The following PRDM15 variants were observed in gnomAD, a reference collection of about 807,000 sequenced individuals.
PRDM15 encodes the protein PR/SET domain 15.
A neutral mutation model predicts 128.6 loss-of-function variants in PRDM15; 64 were observed. The ratio of observed to expected loss-of-function variants is 0.50; its 90% CI spans 0.41 to 0.61. The LOEUF (loss-of-function observed/expected upper bound fraction) is 0.61, where lower values mean the gene tolerates loss of function less well. Among genes scored for constraint, PRDM15 ranks in the 20% least tolerant of loss-of-function variants. PRDM15 has a pLI of 0.00. For synonymous variants in PRDM15, 615 were observed against 621.8 expected (o/e 0.99, Z 0.16); for missense variants, 1,242 against 1,569.1 (o/e 0.79, Z 3.52).
Position 41,822,262 on chromosome 21 carries a change from G to A in PRDM15, c.1762-225C>T, listed in dbSNP as rs73903595. Among the ~76,000 whole-genome samples the A allele has an allele frequency of 2.9e-3, 443 of 152,332 alleles. 4 individuals are homozygous for A. Among genetic ancestry groups the A allele is most frequent in the African/African-American group, 0.01 (428 of 41,574 alleles). On this transcript the variant is annotated intron_variant, in intron 14 of 23. Coordinates refer to ENST00000398548, the MANE Select transcript of PRDM15 (RefSeq NM_001040424.3). ...TGCCCTTGCTCTCCACGCCGCCCGC[G>A]GCTTCCTCTCACATGCGCCCAGCAA... is the stretch of plus-strand genomic sequence containing the variant.
At chr21:41,837,800 C>T in intron 8 of PRDM15, 134 bp downstream of exon 8, 5 of 770,872 alleles carry the variant, frequency 6.5e-6, no homozygotes, top group Non-Finnish European at 1.1e-5. Flanking sequence ...ATTCCTGCTG[C>T]CTCCTCAGCA....
chr21:41,865,705 C>T (rs1394067960), intron 1 of PRDM15, among the ~76,000 whole-genome samples: 2 of 152,210 alleles, frequency 1.3e-5, no homozygotes, highest in East Asian at 3.9e-4. Context: ...CTCAGTTTCA[C>T]ATAATGTCAT....
chr21:41,836,723 GGCCTCCTTCCAAAA>G, intron 8 of PRDM15, 74 bp from the exon 9 acceptor site: 1 of 1,340,000 alleles, frequency 7.5e-7, no homozygotes, highest in South Asian at 1.4e-5. Flanking sequence ...GCATGAAAAC[GGCCTCCTTCCAAAA>G]CTTCCCAGCT....
intron 1 of PRDM15, among the ~76,000 whole-genome samples, chr21:41,870,173 A>T (rs1209223113): frequency 6.6e-6 from 1 of 152,220 alleles, no homozygotes; most frequent in African/African-American, 2.4e-5. Flanking sequence ...AGATTCACAT[A>T]TGTAATTTTA....
At chr21:41,830,647 CCACA>C (rs1223245612) in intron 11 of PRDM15, among the ~76,000 whole-genome samples, 8 of 151,778 alleles carry the variant, frequency 5.3e-5, no homozygotes, top group Non-Finnish European at 7.4e-5. Flanking sequence ...AACACACACA[CCACA>C]CAAATACTAA....
rs550768725 is a variant in PRDM15 at position 41,828,450 on chromosome 21, G to A, written c.1367-117C>T. 4 of 1,019,704 alleles carry A rather than the reference G, an allele frequency of 3.9e-6. No homozygotes were observed. The East Asian group carries it at 9.5e-5, about 24-fold the overall frequency. 63.2% of individuals were successfully genotyped at this position (1,019,704 alleles called of 1,614,324 possible). A position where few individuals can be genotyped will look rare whatever the true frequency, so the allele number is the denominator to read the frequency against. On this transcript the variant is annotated intron_variant, in intron 11 of 23. Transcript: ENST00000398548. This position sits in a 1 kb window ranked among gnomAD's most constrained non-coding sequence, Gnocchi z 5.7. ...GGGTGACGGGCATGAGAGTCACGGG[G>A]ATGCGTGGCCAGGAAGAAAACAGCA... is the stretch of plus-strand genomic sequence containing the variant.
In PRDM15 at chr21:41,819,862, G is replaced by A. The variant is rs2062189692; in HGVS notation, c.2141-161C>T. The A allele has an allele frequency of 2.8e-5, 26 of 934,600 alleles. No homozygotes were observed. The South Asian group carries it at 3.8e-4, about 14-fold the overall frequency. 57.9% of individuals were successfully genotyped at this position (934,600 alleles called of 1,614,324 possible). On this transcript the variant is annotated intron_variant, in intron 17 of 23. Coordinates refer to ENST00000398548, the MANE Select transcript of PRDM15 (RefSeq NM_001040424.3). Reference sequence around the variant, plus strand: ...AGCGGCCTCCACAGAGCCCTCCCGGGGATCCTGTGACTCCAGTAGATCCCT... The same window carrying A: ...AGCGGCCTCCACAGAGCCCTCCCGGAGATCCTGTGACTCCAGTAGATCCCT...
intron 13 of PRDM15, among the ~76,000 whole-genome samples, chr21:41,825,036 C>G (rs1238608829): frequency 1.3e-5 from 2 of 152,198 alleles, no homozygotes; most frequent in Non-Finnish European, 2.9e-5. Flanking sequence ...TCGGCGGCTC[C>G]TAAAGCCACT....
chr21:41,874,433 G>A (rs1601502512), intron 1 of PRDM15, among the ~76,000 whole-genome samples: 1 of 150,894 alleles, frequency 6.6e-6, no homozygotes, highest in South Asian at 2.1e-4. Flanking sequence ...CTTGCCTAAC[G>A]TGGTGCTAAA....
intron 13 of PRDM15, among the ~76,000 whole-genome samples, chr21:41,825,538 G>T (rs1361529630): frequency 6.6e-6 from 1 of 152,216 alleles, no homozygotes; most frequent in African/African-American, 2.4e-5. Context: ...CTTACAGAAC[G>T]CCAGCCATCC....
intron 1 of PRDM15, among the ~76,000 whole-genome samples, chr21:41,868,694 C>CT (rs55653735): frequency 0.041 from 5,171 of 125,072 alleles, 252 homozygotes; most frequent in Middle Eastern, 0.079. Flanking sequence ...TTTTCTTTTT[C>CT]TTTTTTTTTT....
At position 41,798,231 on chromosome 21, in the gene PRDM15, A is replaced by G. The variant is rs1030620047; in HGVS notation, c.*3009T>C. The G allele has an allele frequency of 6.6e-6, 1 of 152,174 alleles. No homozygotes were observed. The highest frequency in any genetic ancestry group is 1.5e-5 in the Non-Finnish European group (1 of 68,048). The allele number at this position is 152,174 out of a possible 1,614,324, so 9.4% of individuals were successfully genotyped here. ...GGGAGCAGAAGGCCAGCAATTGAAA[A>G]CACGGGTCACAGCACCTTTTATTCG... On this transcript the variant is annotated 3_prime_UTR_variant, in exon 24 of 24. Transcript: ENST00000398548.
chr21:41,837,449 T>A (rs1245486405), intron 8 of PRDM15, among the ~76,000 whole-genome samples: 1 of 151,948 alleles, frequency 6.6e-6, no homozygotes. Context: ...TAAGGACAAA[T>A]CCTGTCTGAT....
At chr21:41,802,213 T>C (rs2061435074) in intron 23 of PRDM15, among the ~76,000 whole-genome samples, 1 of 152,182 alleles carries the variant, frequency 6.6e-6, no homozygotes, top group Non-Finnish European at 1.5e-5. Context: ...AGAAGTGCAG[T>C]ATTAGACACA....
chr21:41,805,708 C>T (rs1362131075), intron 21 of PRDM15, among the ~76,000 whole-genome samples: 1 of 151,968 alleles, frequency 6.6e-6, no homozygotes, highest in East Asian at 1.9e-4. Context: ...ACCGTCACCA[C>T]CATCACCACC....
Position 41,874,525 on chromosome 21 carries a change from A to ATATAT in PRDM15, c.-10+4744_-10+4745insATATA. On this transcript the variant is annotated intron_variant, in intron 1 of 23. Coordinates refer to ENST00000398548, the MANE Select transcript of PRDM15 (RefSeq NM_001040424.3). ...TGCATATATATATATATATATATATATTTTTTTTTTTTTTTGAAACTTACA... is the reference window on the plus strand; with the variant it reads ...TGCATATATATATATATATATATATATATATTTTTTTTTTTTTTTTGAAACTTACA... Among the ~76,000 whole-genome samples the ATATAT allele has an allele frequency of 6.7e-3, 642 of 95,788 alleles. 10 individuals carry two copies. The highest frequency in any genetic ancestry group is 0.011 in the Non-Finnish European group (542 of 50,076). The allele number at this position is 95,788 out of a possible 152,430, so 62.8% of individuals were successfully genotyped here.
intron 1 of PRDM15, among the ~76,000 whole-genome samples, chr21:41,873,210 C>G (rs1385537434): frequency 6.6e-6 from 1 of 152,186 alleles, no homozygotes; most frequent in Non-Finnish European, 1.5e-5. Flanking sequence ...TCCTGAGCCT[C>G]GTTGCTCCCC....
At chr21:41,877,689 G>A (rs2064470766) in intron 1 of PRDM15, 1 of 152,158 alleles carries the variant, frequency 6.6e-6, no homozygotes, top group African/African-American at 2.4e-5. Context: ...AGAGTTCTTT[G>A]TCAAATATAA....
intron 23 of PRDM15, among the ~76,000 whole-genome samples, chr21:41,801,983 G>A (rs2061429402): frequency 2.0e-5 from 3 of 152,110 alleles, no homozygotes; most frequent in Admixed American, 6.5e-5. Flanking sequence ...AAGTAAGCAC[G>A]AAAAAGACGG....
Sources: allele counts gnomAD v4.1 joint callset (sites outside exome capture counted in the v4.1 genomes callset), GRCh38; gene constraint gnomAD v4.1.1; non-coding constraint Gnocchi (gnomAD v3.1); transcripts MANE v1.5; gene names NCBI Gene and HGNC (gene_info 2026-07-23, HGNC 2026-07-21).